SCAMP1: variants seen among roughly 807,000 people sequenced by gnomAD.
SCAMP1 encodes the protein secretory carrier membrane protein 1.
In SCAMP1, 15 loss-of-function variants were observed where a neutral mutation model predicts 41.8. The observed-to-expected ratio is 0.36, with a 90% confidence interval of 0.24 to 0.55. The LOEUF is 0.55. Among genes scored for constraint, SCAMP1 ranks in the 20% least tolerant of loss-of-function variants. SCAMP1 has a pLI of 0.86. For missense variants in SCAMP1, 341 were observed against 412.6 expected, an observed-to-expected ratio of 0.83 and a Z score of 1.50; for synonymous variants, 135 against 136.8, an observed-to-expected ratio of 0.99 and a Z score of 0.09.
At chr5:78,431,987 T>A (rs1445053925) in intron 6 of SCAMP1, among the ~76,000 whole-genome samples, 1 of 152,114 alleles carries the variant, frequency 6.6e-6, no homozygotes, top group African/African-American at 2.4e-5. Flanking sequence ...TATACTCTTT[T>A]AGTTATTTTA....
chr5:78,391,188 G>GC (rs1264175369), intron 2 of SCAMP1, among the ~76,000 whole-genome samples: 2 of 151,840 alleles, frequency 1.3e-5, no homozygotes, highest in African/African-American at 2.4e-5. Context: ...AGACGGGGTG[G>GC]TGGCCGGGCA....
chr5:78,424,998 A>G (rs1212060547), intron 6 of SCAMP1, among the ~76,000 whole-genome samples: 1 of 152,204 alleles, frequency 6.6e-6, no homozygotes, highest in Non-Finnish European at 1.5e-5. Context: ...AATGAGGGAT[A>G]TTTGTAGAGT....
At position 78,480,337 on chromosome 5, in the gene SCAMP1, CTA is replaced by C. The variant is rs761141599; in HGVS notation, c.*4670_*4671del. Among the ~76,000 whole-genome samples the C allele has an allele frequency of 2.2e-4, 33 of 152,172 alleles. No individual in the cohort carries two copies. The highest frequency in any genetic ancestry group is 4.1e-4 in the Non-Finnish European group (28 of 68,030). On this transcript the variant is annotated 3_prime_UTR_variant, in exon 9 of 9. Transcript: ENST00000621999. ...TTATCTTCTATACATTAAAACAGTTCTAGTTTGTAGAATAATACCATACAAGT... is the reference window on the plus strand; with the variant it reads ...TTATCTTCTATACATTAAAACAGTTCGTTTGTAGAATAATACCATACAAGT...
chr5:78,460,784 CCTTCCTTCCTTCCTTCCTT>C (rs1458317791), intron 8 of SCAMP1, among the ~76,000 whole-genome samples: 1 of 35,264 alleles, frequency 2.8e-5, no homozygotes, highest in Admixed American at 1.7e-4. Context: ...TTCCTTCCTT[CCTTCCTTCCTTCCTTCCTT>C]CCTCCCTTCC....
chr5:78,380,667 CAG>C (rs913487446), intron 1 of SCAMP1, among the ~76,000 whole-genome samples: 29 of 152,168 alleles, frequency 1.9e-4, no homozygotes, highest in African/African-American at 7.0e-4. Context: ...TATTTCCCCA[CAG>C]AGGTGGTAAT....
intron 2 of SCAMP1, among the ~76,000 whole-genome samples, chr5:78,394,634 G>A (rs1422258055): frequency 6.6e-6 from 1 of 152,122 alleles, no homozygotes. Context: ...TACTGCCAAA[G>A]CATTCTGTAT....
chr5:78,374,045 G>A (rs1751007939), intron 1 of SCAMP1, among the ~76,000 whole-genome samples: 1 of 151,980 alleles, frequency 6.6e-6, no homozygotes, highest in African/African-American at 2.4e-5. Flanking sequence ...AGTAAGAGTA[G>A]GTTATTTAGT....
intron 1 of SCAMP1, among the ~76,000 whole-genome samples, chr5:78,378,307 GAAAT>G (rs1402259085): frequency 8.5e-5 from 13 of 152,330 alleles, no homozygotes; most frequent in African/African-American, 3.1e-4. Flanking sequence ...TGTACAGAGA[GAAAT>G]AAACAGGAGA....
At chr5:78,383,654 T>C (rs1460717035) in intron 1 of SCAMP1, among the ~76,000 whole-genome samples, 2 of 152,144 alleles carry the variant, frequency 1.3e-5, no homozygotes, top group African/African-American at 4.8e-5. Context: ...ACATGTGGCT[T>C]GCCAATGATC....
At chr5:78,378,824 T>A (rs1455002318) in intron 1 of SCAMP1, among the ~76,000 whole-genome samples, 2 of 152,208 alleles carry the variant, frequency 1.3e-5, no homozygotes, top group African/African-American at 4.8e-5. Flanking sequence ...TATGATCCTC[T>A]AAGTCAACAA....
At chr5:78,416,414 T>C in intron 3 of SCAMP1, 127 bp from the exon 4 acceptor site, 1 of 639,168 alleles carries the variant, frequency 1.6e-6, no homozygotes, top group Admixed American at 3.4e-5. Context: ...CTTCAGTAAA[T>C]TCCTGTACTT....
chr5:78,451,613 A>T (rs1244915029), intron 7 of SCAMP1, among the ~76,000 whole-genome samples: 1 of 152,204 alleles, frequency 6.6e-6, no homozygotes, highest in Admixed American at 6.5e-5. Context: ...CTGGAGATTT[A>T]TCCAGGTTGT....
intron 2 of SCAMP1, among the ~76,000 whole-genome samples, chr5:78,414,899 C>A (rs1209579103): frequency 2.6e-5 from 4 of 151,794 alleles, no homozygotes; most frequent in Non-Finnish European, 5.9e-5. Context: ...GGCAGTAAAC[C>A]TTGGTGTAGT....
chr5:78,375,758 A>G (rs563507061), intron 1 of SCAMP1, among the ~76,000 whole-genome samples: 24 of 152,166 alleles, frequency 1.6e-4, no homozygotes, highest in Non-Finnish European at 2.6e-4. Flanking sequence ...CTAGTTTGTC[A>G]TATTTCTTTT....
At chr5:78,430,767 A>G (rs185538858) in intron 6 of SCAMP1, among the ~76,000 whole-genome samples, 216 of 152,164 alleles carry the variant, frequency 1.4e-3, no homozygotes, top group Admixed American at 4.1e-3. Flanking sequence ...TATTATATTT[A>G]CATTATCATT....
chr5:78,381,940 G>A (rs796962568), intron 1 of SCAMP1, among the ~76,000 whole-genome samples: 23 of 152,094 alleles, frequency 1.5e-4, no homozygotes, highest in African/African-American at 5.1e-4. Flanking sequence ...AATGGATAAA[G>A]GACAGAGGAA....
chr5:78,407,528 G>T (rs1171345309), intron 2 of SCAMP1, among the ~76,000 whole-genome samples: 3 of 151,186 alleles, frequency 2.0e-5, no homozygotes, highest in African/African-American at 7.3e-5. Flanking sequence ...TGATGTATCT[G>T]AGTGTTACTA....
At chr5:78,374,723 G>A (rs1751022989) in intron 1 of SCAMP1, among the ~76,000 whole-genome samples, 1 of 152,070 alleles carries the variant, frequency 6.6e-6, no homozygotes, top group Admixed American at 6.6e-5. Context: ...TACTTAGGAG[G>A]TAAGTTGGCT....
intron 8 of SCAMP1, among the ~76,000 whole-genome samples, chr5:78,468,775 A>G (rs560199203): frequency 6.6e-6 from 1 of 152,270 alleles, no homozygotes; most frequent in Admixed American, 6.5e-5. Context: ...GGAGCGCTGA[A>G]TTGGGTCTAT....
Sources: allele counts gnomAD v4.1 joint callset (sites outside exome capture counted in the v4.1 genomes callset), GRCh38; gene constraint gnomAD v4.1.1; transcripts MANE v1.5; gene names NCBI Gene and HGNC (gene_info 2026-07-23, HGNC 2026-07-21).